Variants in ATP1A2 observed in about 807,000 individuals in gnomAD.
ATP1A2 encodes sodium/potassium-transporting ATPase subunit alpha-2.
Under a neutral mutation model 113.1 loss-of-function variants are expected in ATP1A2, and 56 were observed. The observed-to-expected ratio is 0.49, with a 90% CI of 0.40 to 0.62. The LOEUF is 0.62. Among genes scored for constraint, ATP1A2 ranks in the 20% least tolerant of loss-of-function variants. ATP1A2 has a pLI of 0.00. For missense variants in ATP1A2, 712 were observed against 1,357.8 expected (o/e 0.52, Z 7.47); for synonymous variants, 490 against 526.8 (o/e 0.93, Z 0.96).
At chr1:160,121,351 A>G in intron 3 of ATP1A2, 100 bp downstream of exon 3, 2 of 1,404,758 alleles carry the variant, frequency 1.4e-6, no homozygotes, top group South Asian at 1.2e-5. Context: ...CCTTCTTTAC[A>G]GATGAGGAAA....
At chr1:160,131,366 A>C (rs993877974) in intron 13 of ATP1A2, among the ~76,000 whole-genome samples, 1 of 152,246 alleles carries the variant, frequency 6.6e-6, no homozygotes, top group Non-Finnish European at 1.5e-5. Flanking sequence ...ACAAAGTAAC[A>C]TGCCAAGGCC....
rs1364643104 is a variant in ATP1A2 at position 160,143,496 on chromosome 1, C to T, written c.*2174C>T. 1 of 152,590 alleles carries T rather than the reference C, an allele frequency of 6.6e-6. No homozygotes were observed. The highest frequency in any genetic ancestry group is 2.4e-5 in the African/African-American group (1 of 41,418). 9.5% of individuals were successfully genotyped at this position (152,590 alleles called of 1,614,324 possible). A position where few individuals can be genotyped will look rare whatever the true frequency, so the allele number is the denominator to read the frequency against. ...TATGTATTTGTTAAAGAAACATCTACAGGATCTTTATTGGTGACCTTTTGT... is the reference window on the plus strand; with the variant it reads ...TATGTATTTGTTAAAGAAACATCTATAGGATCTTTATTGGTGACCTTTTGT... On this transcript the variant is annotated 3_prime_UTR_variant, in exon 23 of 23. Transcript: ENST00000361216.
At chr1:160,130,633 C>G (rs1243648951) in intron 13 of ATP1A2, 36 bp downstream of exon 13, 5 of 1,613,516 alleles carry the variant, frequency 3.1e-6, no homozygotes, top group Non-Finnish European at 4.2e-6. Flanking sequence ...ATTCTAGCCT[C>G]CCCCATGCCA....
chr1:160,121,181 C>T lies in ATP1A2; in HGVS notation c.118-11C>T. 6.2e-7 allele frequency: 1 copy of T among 1,614,212 alleles called. No individual in the cohort carries two copies. Among genetic ancestry groups the T allele is most frequent in the Non-Finnish European group, 8.5e-7 (1 of 1,180,020 alleles). The stretch of plus-strand genomic sequence containing the variant: ...CCTCCTCCCCAAAGTAACTCACCCT[C>T]CCTTCCCCAGGATGACCACAAGCTG... On this transcript the variant is annotated splice_polypyrimidine_tract_variant and intron_variant, in intron 2 of 22. Transcript: ENST00000361216.
chr1:160,125,216 C>G lies in ATP1A2; in HGVS notation c.711C>G (p.Thr237=), dbSNP rs1441712734. The G allele has an allele frequency of 1.2e-6, 2 of 1,614,160 alleles. No homozygotes were observed. The highest frequency in any genetic ancestry group is 3.3e-5 in the Admixed American group (2 of 60,026). ...TCACCCATGAGAACCCCCTGGAGACCCGCAATATCTGTTTCTTCTCCACCA... is the reference window on the plus strand; with the variant it reads ...TCACCCATGAGAACCCCCTGGAGACGCGCAATATCTGTTTCTTCTCCACCA... The part of the protein sequence containing the change: ...PEFTHENPLE[T]RNICFFSTNC... The change falls in exon 7 of 23, where the codon ACC becomes ACG. Residue 237 remains threonine (T), a synonymous_variant. Coordinates refer to ENST00000361216, the MANE Select transcript of ATP1A2 (RefSeq NM_000702.4).
chr1:160,139,740 AAGTG>A lies in ATP1A2; in HGVS notation c.2942+4_2942+7del. 1 of 1,614,132 alleles carries A rather than the reference AAGTG, an allele frequency of 6.2e-7. No individual in the cohort carries two copies. The highest frequency in any genetic ancestry group is 8.5e-7 in the Non-Finnish European group (1 of 1,179,962). On this transcript the variant is annotated splice_donor_variant and splice_donor_region_variant and coding_sequence_variant and intron_variant, in exon 21 of 23. Transcript: ENST00000361216. LOFTEE classifies it high-confidence loss of function. Reference sequence around the variant, plus strand: ...TGTAGCCCTCCGCATGTACCCGCTCAAGTGAGTGTCTCTTTCGGGCGGCCTGAGT... The same window carrying A: ...TGTAGCCCTCCGCATGTACCCGCTCAAGTGTCTCTTTCGGGCGGCCTGAGT...
intron 22 of ATP1A2, 107 bp downstream of exon 22, chr1:160,140,091 C>A: frequency 1.8e-6 from 2 of 1,130,802 alleles, no homozygotes; most frequent in South Asian, 1.3e-5. Context: ...TGCTTCTGTT[C>A]CTCAACACCC....
At chr1:160,115,949 G>A in intron 1 of ATP1A2, 76 bp downstream of exon 1, 1 of 1,559,224 alleles carries the variant, frequency 6.4e-7, no homozygotes, top group South Asian at 1.2e-5. Context: ...AGTGGGAATG[G>A]GATGTGGAAG....
In ATP1A2 at chr1:160,124,225, T is replaced by C. The variant is rs1651510416; in HGVS notation, c.496-71T>C. The C allele has an allele frequency of 7.7e-6, 12 of 1,556,512 alleles. 1 individual carries two copies. The South Asian group carries it at 1.4e-4, about 18-fold the overall frequency. On this transcript the variant is annotated intron_variant, in intron 5 of 22. Coordinates refer to ENST00000361216, the MANE Select transcript of ATP1A2 (RefSeq NM_000702.4). ...GGGCTTCTCCTTCTGCTTGACGGTG[T>C]GGGAGACCAGCAGGAGAAGAAGGCA...
At chr1:160,140,321 C>G (rs188516394) in intron 22 of ATP1A2, among the ~76,000 whole-genome samples, 144 of 115,306 alleles carry the variant, frequency 1.2e-3, no homozygotes, top group African/African-American at 4.1e-3. Context: ...AGAGGTGAAT[C>G]TGTTCAGGGT....
chr1:160,134,891 G>T (rs1000141418), intron 14 of ATP1A2, among the ~76,000 whole-genome samples: 17 of 152,180 alleles, frequency 1.1e-4, no homozygotes, highest in Non-Finnish European at 2.2e-4. Flanking sequence ...GTAGGAGTGG[G>T]ATGTGAGTAA....
chr1:160,129,219 C>T (rs1553244991), intron 10 of ATP1A2, 47 bp from the exon 11 acceptor site: 3 of 1,613,928 alleles, frequency 1.9e-6, no homozygotes, highest in Admixed American at 3.3e-5. Flanking sequence ...TGATCCTCCA[C>T]TCCCTTCCCT....
Position 160,135,392 on chromosome 1 carries a change from G to T in ATP1A2, c.2116-42G>T, listed in dbSNP as rs1177283418. 1.2e-6 allele frequency: 2 copies of T among 1,614,102 alleles called. No individual in the cohort carries two copies. Among genetic ancestry groups the T allele is most frequent in the Non-Finnish European group, 1.7e-6 (2 of 1,180,042 alleles). On this transcript the variant is annotated intron_variant, in intron 15 of 22. Transcript: ENST00000361216. The surrounding 1 kb of genome is among the most constrained non-coding windows in gnomAD (Gnocchi z 6.3). ...GAGTGAGAGGCGAGGAGCCAGGCTT[G>T]GGAAGGGGTTTCGTCCTCAAGTGTG...
intron 12 of ATP1A2, 34 bp from the exon 13 acceptor site, chr1:160,130,388 G>T: frequency 6.2e-7 from 1 of 1,614,188 alleles, no homozygotes; most frequent in Non-Finnish European, 8.5e-7. Flanking sequence ...AAGCCACTCT[G>T]CGGATCTCAC....
At chr1:160,116,438 A>C (rs2820580) in intron 1 of ATP1A2, among the ~76,000 whole-genome samples, 149,749 of 151,884 alleles carry the variant, frequency 0.99, 73,853 homozygotes, top group East Asian at 1. Context: ...AAGAATGATG[A>C]CCCAGCCCCC....
At chr1:160,137,425 G>A (rs928887442) in intron 20 of ATP1A2, among the ~76,000 whole-genome samples, 2 of 152,298 alleles carry the variant, frequency 1.3e-5, no homozygotes, top group African/African-American at 2.4e-5. Context: ...ACGTGCTGCC[G>A]AGGGTCGGGT....
At chr1:160,136,549 C>T in intron 18 of ATP1A2, 21 bp from the exon 19 acceptor site, 1 of 1,614,216 alleles carries the variant, frequency 6.2e-7, no homozygotes. Flanking sequence ...CCTGCCCCTG[C>T]CTTTGGCCCT....
chr1:160,139,698 T>G lies in ATP1A2; in HGVS notation c.2899T>G (p.Tyr967Asp). Residue 967 changes from tyrosine (Y) to aspartate (D), a missense_variant, in exon 21 of 23, where the codon TAC becomes GAC. Coordinates refer to ENST00000361216, the MANE Select transcript of ATP1A2 (RefSeq NM_000702.4). ...EETALAAFLSYCPGMGVALRM... is the reference protein window; with the variant it reads ...EETALAAFLSDCPGMGVALRM... ...GACGGCGTTGGCTGCCTTTCTCTCT[T>G]ACTGCCCAGGCATGGGTGTAGCCCT... 1 of 1,614,204 alleles carries G rather than the reference T, an allele frequency of 6.2e-7. No homozygotes were observed. The highest frequency in any genetic ancestry group is 8.5e-7 in the Non-Finnish European group (1 of 1,180,032).
At chr1:160,117,296 G>T (rs1336730703) in intron 1 of ATP1A2, among the ~76,000 whole-genome samples, 3 of 152,186 alleles carry the variant, frequency 2.0e-5, no homozygotes, top group African/African-American at 7.2e-5. Context: ...AGAGGCAGGG[G>T]TTAAAGGATC....
Sources: gnomAD v4.1 joint callset for allele counts (sites outside exome capture counted in the v4.1 genomes callset) on GRCh38, gnomAD v4.1.1 for gene constraint, Gnocchi (gnomAD v3.1) non-coding constraint, MANE v1.5 for transcripts, NCBI Gene and HGNC (gene_info 2026-07-23, HGNC 2026-07-21) for gene names.